The following IGSF3 variants were observed in gnomAD, a reference collection of about 807,000 sequenced individuals.
IGSF3 encodes immunoglobulin superfamily member 3.
IGSF3 carries 23 observed loss-of-function variants against 114.4 expected under a neutral mutation model. That is an observed-to-expected ratio of 0.20 (90% CI 0.14 to 0.28). The LOEUF is 0.28. Ranked by LOEUF, IGSF3 falls within the 10% of genes least tolerant of loss-of-function variation. IGSF3 has a pLI of 1.00. For synonymous variants in IGSF3, 571 were observed against 645.2 expected, an observed-to-expected ratio of 0.88 and a Z score of 1.74; for missense variants, 1,172 against 1,591.5, an observed-to-expected ratio of 0.74 and a Z score of 4.48.
At position 116,583,558 on chromosome 1, in the gene IGSF3, C is replaced by G. The variant is rs1659683598; in HGVS notation, c.2848+1087G>C. Reference sequence around the variant, plus strand: ...TATTCCACCAACGAAATGAGCTGCTCTACTCAGACATGAAGACATGGTGAA... The same window carrying G: ...TATTCCACCAACGAAATGAGCTGCTGTACTCAGACATGAAGACATGGTGAA... On this transcript the variant is annotated intron_variant, in intron 9 of 10. Coordinates refer to ENST00000369486, the MANE Select transcript of IGSF3 (RefSeq NM_001007237.3). The surrounding 1 kb of genome is among the most constrained non-coding windows in gnomAD (Gnocchi z 4.5). 6.6e-6 allele frequency among the ~76,000 whole-genome samples: 1 copy of G among 152,184 alleles called. No homozygotes were observed. Among genetic ancestry groups the G allele is most frequent in the African/African-American group, 2.4e-5 (1 of 41,444 alleles).
At chr1:116,663,964 G>C (rs1204980206) in intron 2 of IGSF3, among the ~76,000 whole-genome samples, 1 of 152,218 alleles carries the variant, frequency 6.6e-6, no homozygotes, top group Admixed American at 6.5e-5. Context: ...TATGCAGCAA[G>C]AATGCTGACA....
intron 4 of IGSF3, among the ~76,000 whole-genome samples, chr1:116,608,545 T>C (rs2101471543): frequency 6.6e-6 from 1 of 152,280 alleles, no homozygotes. Context: ...AATTCAAAAC[T>C]ACTTCAGCCC....
chr1:116,578,308 A>G (rs143657769), intron 10 of IGSF3, among the ~76,000 whole-genome samples: 1,552 of 152,256 alleles, frequency 0.01, 15 homozygotes, highest in Middle Eastern at 0.024. Flanking sequence ...TGGACAGGTA[A>G]AATGTTGCCT....
In IGSF3 at chr1:116,607,832, G is replaced by A. The variant is rs190335311; in HGVS notation, c.1222+110C>T. On this transcript the variant is annotated intron_variant, in intron 5 of 10. Coordinates refer to ENST00000369486, the MANE Select transcript of IGSF3 (RefSeq NM_001007237.3). The surrounding 1 kb of genome is among the most constrained non-coding windows in gnomAD (Gnocchi z 6.1). ...TTTCCCCCAGCTCTGCATTAACCTCGAGGGTTCCATCTGCCTCCCCTCACC... is the reference window on the plus strand; with the variant it reads ...TTTCCCCCAGCTCTGCATTAACCTCAAGGGTTCCATCTGCCTCCCCTCACC... The A allele has an allele frequency of 2.2e-4, 238 of 1,089,886 alleles. 1 individual carries two copies. The African/African-American group carries it at 3.0e-3, about 14-fold the overall frequency. The allele number at this position is 1,089,886 out of a possible 1,614,324, so 67.5% of individuals were successfully genotyped here.
chr1:116,613,945 C>T lies in IGSF3; in HGVS notation c.652G>A (p.Glu218Lys). The T allele has an allele frequency of 6.2e-7, 1 of 1,613,904 alleles. No homozygotes were observed. The highest frequency in any genetic ancestry group is 1.1e-5 in the South Asian group (1 of 91,078). ...SEYAQRQSLG[E>K]VRLDKLGRTT... ...CTCCCCAGCTTGTCCAGCCGCACCT[C>T]CCCCAGGCTCTGCCTCTGGGCATAT... The change falls in exon 4 of 11, where the codon GAG becomes AAG. Residue 218 changes from glutamate (E) to lysine (K), a missense_variant. Glu to Lys is a moderately conservative substitution (Grantham distance 56). Transcript: ENST00000369486.
chr1:116,646,608 G>C (rs1456013457), intron 2 of IGSF3, among the ~76,000 whole-genome samples: 3 of 152,214 alleles, frequency 2.0e-5, no homozygotes, highest in African/African-American at 7.2e-5. Context: ...GGAGAATCGA[G>C]TGAGTTGTCA....
At position 116,618,752 on chromosome 1, in the gene IGSF3, T is replaced by A. The variant is rs1661307835; in HGVS notation, c.44-2295A>T. ...CATTTTAATCAAATGATTGCAGTAT[T>A]CCTGAAACACAGAACATTTTGCAAA... On this transcript the variant is annotated intron_variant, in intron 2 of 10. Transcript: ENST00000369486. The surrounding 1 kb of genome is among the most constrained non-coding windows in gnomAD (Gnocchi z 4.7). Among the ~76,000 whole-genome samples, 1 of 152,246 alleles carries A rather than the reference T, an allele frequency of 6.6e-6. No homozygotes were observed.
Position 116,574,710 on chromosome 1 carries a change from G to A in IGSF3, c.*2602C>T, listed in dbSNP as rs2101257296. On this transcript the variant is annotated 3_prime_UTR_variant, in exon 11 of 11. Transcript: ENST00000369486. This position sits in a 1 kb window ranked among gnomAD's most constrained non-coding sequence, Gnocchi z 5.2. ...TCATAAATGCAACATTGTAGACATA[G>A]ATGAATCCAGAGTATTCAGCAGTTT... 6.5e-6 allele frequency: 1 copy of A among 152,718 alleles called. No individual in the cohort carries two copies. The highest frequency in any genetic ancestry group is 2.1e-4 in the South Asian group (1 of 4,826). The allele number at this position is 152,718 out of a possible 1,614,324, so 9.5% of individuals were successfully genotyped here. A position where few individuals can be genotyped will look rare whatever the true frequency, so the allele number is the denominator to read the frequency against.
At position 116,624,136 on chromosome 1, in the gene IGSF3, C is replaced by T. The variant is rs1475372287; in HGVS notation, c.44-7679G>A. Among the ~76,000 whole-genome samples, 30 of 150,826 alleles carry T rather than the reference C, an allele frequency of 2.0e-4. No individual in the cohort carries two copies. The highest frequency in any genetic ancestry group is 1.2e-3 in the Admixed American group (18 of 15,142). On this transcript the variant is annotated intron_variant, in intron 2 of 10. Coordinates refer to ENST00000369486, the MANE Select transcript of IGSF3 (RefSeq NM_001007237.3). The surrounding 1 kb of genome is among the most constrained non-coding windows in gnomAD (Gnocchi z 4.9). The stretch of plus-strand genomic sequence containing the variant: ...TGAGGATCCCTCGAGCCTGGGAGGC[C>T]GAGGCTGCCGTGAACAATGATTGTG...
rs979927269 is a variant in IGSF3 at position 116,579,158 on chromosome 1, A to T, written c.3334+234T>A. Among the ~76,000 whole-genome samples, 3 of 152,236 alleles carry T rather than the reference A, an allele frequency of 2.0e-5. No individual in the cohort carries two copies. Among genetic ancestry groups the T allele is most frequent in the Non-Finnish European group, 4.4e-5 (3 of 68,046 alleles). On this transcript the variant is annotated intron_variant, in intron 10 of 10. Coordinates refer to ENST00000369486, the MANE Select transcript of IGSF3 (RefSeq NM_001007237.3). The surrounding 1 kb of genome is among the most constrained non-coding windows in gnomAD (Gnocchi z 6.4). The stretch of plus-strand genomic sequence containing the variant: ...AATCTGGTAGAACATCGAGTTTATT[A>T]TAAAGATTATATGGTATGTTATCAC...
rs986632882 is a variant in IGSF3 at position 116,594,905 on chromosome 1, C to T, written c.2029+5036G>A. ...TCACCCCTACCCCATTCCCTCCTCA[C>T]GCCCCCTGCCCCCGTTCATGCCCTG... On this transcript the variant is annotated intron_variant, in intron 7 of 10. Transcript: ENST00000369486. The surrounding 1 kb of genome is among the most constrained non-coding windows in gnomAD (Gnocchi z 5.2). Among the ~76,000 whole-genome samples, 5 of 151,920 alleles carry T rather than the reference C, an allele frequency of 3.3e-5. No homozygotes were observed. The highest frequency in any genetic ancestry group is 6.6e-5 in the Admixed American group (1 of 15,264).
chr1:116,659,959 T>G lies in IGSF3; in HGVS notation c.43+6325A>C, dbSNP rs188459463. Among the ~76,000 whole-genome samples, 315 of 152,170 alleles carry G rather than the reference T, an allele frequency of 2.1e-3. 3 individuals carry two copies. Among genetic ancestry groups the G allele is most frequent in the African/African-American group, 7.1e-3 (295 of 41,526 alleles). On this transcript the variant is annotated intron_variant, in intron 2 of 10. Coordinates refer to ENST00000369486, the MANE Select transcript of IGSF3 (RefSeq NM_001007237.3). Reference sequence around the variant, plus strand: ...TTAATCAAGGAGTCATAACTAAGGATGCACTGCACACCCAAAGCCAGGGAC... The same window carrying G: ...TTAATCAAGGAGTCATAACTAAGGAGGCACTGCACACCCAAAGCCAGGGAC...
Position 116,618,464 on chromosome 1 carries a change from G to A in IGSF3, c.44-2007C>T, listed in dbSNP as rs1024826987. Among the ~76,000 whole-genome samples, 1 of 152,184 alleles carries A rather than the reference G, an allele frequency of 6.6e-6. No homozygotes were observed. Among genetic ancestry groups the A allele is most frequent in the African/African-American group, 2.4e-5 (1 of 41,436 alleles). ...ACAGTGATCCTGTAAGATTATAATGGAGCATATATAGAGATCTAATATATG... is the reference window on the plus strand; with the variant it reads ...ACAGTGATCCTGTAAGATTATAATGAAGCATATATAGAGATCTAATATATG... On this transcript the variant is annotated intron_variant, in intron 2 of 10. Coordinates refer to ENST00000369486, the MANE Select transcript of IGSF3 (RefSeq NM_001007237.3). The surrounding 1 kb of genome is among the most constrained non-coding windows in gnomAD (Gnocchi z 4.7).
intron 2 of IGSF3, among the ~76,000 whole-genome samples, chr1:116,637,623 G>A (rs1266529933): frequency 6.6e-6 from 1 of 152,110 alleles, no homozygotes; most frequent in African/African-American, 2.4e-5. Context: ...CACATCACAT[G>A]GCAGACACCT....
At chr1:116,621,410 G>C (rs139633664) in intron 2 of IGSF3, among the ~76,000 whole-genome samples, 1 of 152,100 alleles carries the variant, frequency 6.6e-6, no homozygotes, top group Non-Finnish European at 1.5e-5. Context: ...AATCCTCCTG[G>C]CTTTGCTTCC....
rs1185519575 is a variant in IGSF3 at position 116,657,497 on chromosome 1, T to G, written c.43+8787A>C. ...TTTGGTCATCCGCAACCCAGACCAC[T>G]AGACTAATTTTGCTTTAGAACTGGA... On this transcript the variant is annotated intron_variant, in intron 2 of 10. Coordinates refer to ENST00000369486, the MANE Select transcript of IGSF3 (RefSeq NM_001007237.3). This position sits in a 1 kb window ranked among gnomAD's most constrained non-coding sequence, Gnocchi z 4.2. Among the ~76,000 whole-genome samples, 1 of 152,200 alleles carries G rather than the reference T, an allele frequency of 6.6e-6. No individual in the cohort carries two copies. The highest frequency in any genetic ancestry group is 2.4e-5 in the African/African-American group (1 of 41,440).
chr1:116,578,225 G>C (rs1174712708), intron 10 of IGSF3, among the ~76,000 whole-genome samples: 1 of 152,174 alleles, frequency 6.6e-6, no homozygotes, highest in African/African-American at 2.4e-5. Context: ...GGGAGCCCCT[G>C]TTTTCTCTGT....
chr1:116,646,638 G>A, intron 2 of IGSF3, among the ~76,000 whole-genome samples: 1 of 152,036 alleles, frequency 6.6e-6, no homozygotes, highest in Non-Finnish European at 1.5e-5. Context: ...TACAGAGGAG[G>A]TAGAGAGAGC....
In IGSF3 at chr1:116,618,387, T is replaced by A. The variant is rs1475948378; in HGVS notation, c.44-1930A>T. Among the ~76,000 whole-genome samples, 4 of 152,266 alleles carry A rather than the reference T, an allele frequency of 2.6e-5. No individual in the cohort carries two copies. In the East Asian group the frequency reaches 7.7e-4, roughly 29 times the overall value. On this transcript the variant is annotated intron_variant, in intron 2 of 10. Transcript: ENST00000369486. The surrounding 1 kb of genome is among the most constrained non-coding windows in gnomAD (Gnocchi z 4.7). Reference sequence around the variant, plus strand: ...TATGATGCATAACATTTTTACTATATGTACAGTCATGCACTGAATAACATT... The same window carrying A: ...TATGATGCATAACATTTTTACTATAAGTACAGTCATGCACTGAATAACATT...
Sources: gnomAD v4.1 joint callset for allele counts (sites outside exome capture counted in the v4.1 genomes callset) on GRCh38, gnomAD v4.1.1 for gene constraint, Gnocchi (gnomAD v3.1) non-coding constraint, MANE v1.5 for transcripts, NCBI Gene and HGNC (gene_info 2026-07-23, HGNC 2026-07-21) for gene names.